PAQR8: variants seen among roughly 807,000 people sequenced by gnomAD.
PAQR8 encodes the protein membrane progestin receptor beta.
A neutral mutation model predicts 25.2 loss-of-function variants in PAQR8; 17 were observed. The ratio of observed to expected loss-of-function variants is 0.67; its 90% CI spans 0.46 to 1.01. The LOEUF is 1.01. Among genes scored for constraint, PAQR8 ranks in the 50% least tolerant of loss-of-function variants. The pLI is 0.00. For missense variants in PAQR8, 392 were observed against 448.4 expected (o/e 0.87, Z 1.14); for synonymous variants, 204 against 190.6 (o/e 1.07, Z -0.58).
intron 1 of PAQR8, among the ~76,000 whole-genome samples, chr6:52,369,101 A>G (rs973985702): frequency 1.3e-5 from 2 of 152,234 alleles, no homozygotes; most frequent in African/African-American, 4.8e-5. Flanking sequence ...ATTCAATACC[A>G]TATCAGAGCA....
At chr6:52,399,753 C>T (rs1468273248) in intron 1 of PAQR8, among the ~76,000 whole-genome samples, 2 of 152,156 alleles carry the variant, frequency 1.3e-5, no homozygotes, top group Non-Finnish European at 2.9e-5. Flanking sequence ...GGTTTGCTCT[C>T]TACTTCACAA....
chr6:52,373,286 A>G (rs1161424029), intron 1 of PAQR8, among the ~76,000 whole-genome samples: 1 of 152,238 alleles, frequency 6.6e-6, no homozygotes, highest in Non-Finnish European at 1.5e-5. Context: ...CTGATAAAGC[A>G]GTCAAACCCT....
chr6:52,365,855 G>T (rs1253739849), intron 1 of PAQR8, among the ~76,000 whole-genome samples: 3 of 152,040 alleles, frequency 2.0e-5, no homozygotes, highest in African/African-American at 7.2e-5. Flanking sequence ...TTTTAAATGA[G>T]CATTCCTGTT....
At chr6:52,368,164 A>G (rs1359891690) in intron 1 of PAQR8, among the ~76,000 whole-genome samples, 1 of 152,218 alleles carries the variant, frequency 6.6e-6, no homozygotes, top group African/African-American at 2.4e-5. Flanking sequence ...TGAGTGAGTA[A>G]TCAACTCAGT....
intron 1 of PAQR8, among the ~76,000 whole-genome samples, chr6:52,378,071 C>T (rs918111538): frequency 1.3e-5 from 2 of 152,206 alleles, no homozygotes; most frequent in African/African-American, 2.4e-5. Flanking sequence ...CAAGGGACTT[C>T]ACCTGTTTCC....
chr6:52,383,702 T>G (rs1331589867), intron 1 of PAQR8, among the ~76,000 whole-genome samples: 1 of 151,686 alleles, frequency 6.6e-6, no homozygotes, highest in African/African-American at 2.4e-5. Flanking sequence ...ACAGTACTTA[T>G]CCTTAATATA....
intron 1 of PAQR8, among the ~76,000 whole-genome samples, chr6:52,382,929 A>ATG (rs1763580144): frequency 6.6e-6 from 1 of 152,198 alleles, no homozygotes; most frequent in Non-Finnish European, 1.5e-5. Context: ...CCACAGGCAC[A>ATG]TACTACCATG....
At chr6:52,369,527 A>T (rs1373077962) in intron 1 of PAQR8, among the ~76,000 whole-genome samples, 1 of 152,250 alleles carries the variant, frequency 6.6e-6, no homozygotes, top group African/African-American at 2.4e-5. Flanking sequence ...CCAAGAGAAT[A>T]CCAAAAGGTT....
intron 1 of PAQR8, among the ~76,000 whole-genome samples, chr6:52,377,689 T>G (rs1285121682): frequency 2.6e-5 from 4 of 151,242 alleles, no homozygotes; most frequent in Non-Finnish European, 4.4e-5. Flanking sequence ...GGAAGTTTTG[T>G]TTAAGAGCAA....
intron 1 of PAQR8, among the ~76,000 whole-genome samples, chr6:52,381,530 C>T (rs1763559927): frequency 6.6e-6 from 1 of 152,196 alleles, no homozygotes. Flanking sequence ...ATAGCTTGAG[C>T]CCAGAGGTTG....
At chr6:52,398,267 C>T (rs946356033) in intron 1 of PAQR8, among the ~76,000 whole-genome samples, 1 of 144,864 alleles carries the variant, frequency 6.9e-6, no homozygotes, top group Non-Finnish European at 1.5e-5. Flanking sequence ...AGTGCAATGG[C>T]GTGATCTTGG....
intron 1 of PAQR8, among the ~76,000 whole-genome samples, chr6:52,388,783 G>A (rs1350874429): frequency 6.6e-6 from 1 of 152,238 alleles, no homozygotes; most frequent in Middle Eastern, 3.4e-3. Context: ...AAAGACAGAG[G>A]GCTTAATAAG....
intron 1 of PAQR8, among the ~76,000 whole-genome samples, chr6:52,398,822 G>A (rs1437142905): frequency 2.0e-5 from 3 of 152,168 alleles, no homozygotes; most frequent in South Asian, 4.1e-4. Flanking sequence ...CCAAAGTGCT[G>A]GGATTTACAG....
chr6:52,386,511 C>T (rs1763634656), intron 1 of PAQR8, among the ~76,000 whole-genome samples: 1 of 152,196 alleles, frequency 6.6e-6, no homozygotes, highest in African/African-American at 2.4e-5. Flanking sequence ...TAATGGAATA[C>T]TGTGGAGCTG....
In PAQR8 at chr6:52,404,008, C is replaced by T. The variant is rs751244572; in HGVS notation, c.795C>T (p.Pro265=). 4 of 1,614,086 alleles carry T rather than the reference C, an allele frequency of 2.5e-6. No homozygotes were observed. The highest frequency in any genetic ancestry group is 2.7e-5 in the African/African-American group (2 of 74,928). Residue 265 remains proline, a synonymous_variant, in exon 2 of 2, where the codon CCC becomes CCT. Coordinates refer to ENST00000442253, the MANE Select transcript of PAQR8 (RefSeq NM_133367.5). ...FLVSAYFFSC[P]VPEKYFPGSC... ...TTAGCGCTTATTTCTTCTCCTGCCC[C>T]GTGCCTGAGAAGTACTTCCCGGGTT... is the stretch of plus-strand genomic sequence containing the variant.
rs750839768 is a variant in PAQR8, at chr6:52,403,678, A to G, written c.465A>G (p.Gln155=). The change falls in exon 2 of 2, where the codon CAA becomes CAG. Residue 155 remains glutamine (Q), a synonymous_variant. Coordinates refer to ENST00000442253, the MANE Select transcript of PAQR8 (RefSeq NM_133367.5). ...FVDYVGVSVY[Q]YGSALAHFFY... ...ACTATGTTGGCGTGAGCGTTTACCA[A>G]TATGGCAGTGCTTTGGCTCATTTCT... The G allele has an allele frequency of 1.5e-5, 25 of 1,614,066 alleles. No individual in the cohort carries two copies. The African/African-American group carries it at 2.9e-4, about 19-fold the overall frequency.
At chr6:52,370,676 G>A (rs906834516) in intron 1 of PAQR8, among the ~76,000 whole-genome samples, 1 of 152,122 alleles carries the variant, frequency 6.6e-6, no homozygotes, top group African/African-American at 2.4e-5. Context: ...CCAAAGAGGG[G>A]GACATTTATG....
rs1400720338 is a variant in PAQR8, at chr6:52,396,570, C to T, written c.-52-6592C>T. ...CAGATTTCCATTTTTAAACTGTTGC[C>T]CTGAAGTGATTTGGAGAATGAAGTG... On this transcript the variant is annotated intron_variant, in intron 1 of 1. Coordinates refer to ENST00000442253, the MANE Select transcript of PAQR8 (RefSeq NM_133367.5). 3.3e-5 allele frequency among the ~76,000 whole-genome samples: 5 copies of T among 152,058 alleles called. No homozygotes were observed. The East Asian group carries it at 9.7e-4, about 29-fold the overall frequency.
chr6:52,405,918 TATCA>T lies in PAQR8; in HGVS notation c.*1646_*1649del, dbSNP rs1321600167. 1 of 166,918 alleles carries T rather than the reference TATCA, an allele frequency of 6.0e-6. No homozygotes were observed. Among genetic ancestry groups the T allele is most frequent in the Admixed American group, 6.5e-5 (1 of 15,294 alleles). 10.3% of individuals were successfully genotyped at this position (166,918 alleles called of 1,614,324 possible). On this transcript the variant is annotated 3_prime_UTR_variant, in exon 2 of 2. Coordinates refer to ENST00000442253, the MANE Select transcript of PAQR8 (RefSeq NM_133367.5). Reference sequence around the variant, plus strand: ...GAAACTTCAGAAAGCTAGAATTGCTTATCAATCAAAAGACTTTCTCAATCTATTT... The same window carrying T: ...GAAACTTCAGAAAGCTAGAATTGCTTATCAAAAGACTTTCTCAATCTATTT...
Sources: gnomAD v4.1 joint callset for allele counts (sites outside exome capture counted in the v4.1 genomes callset) on GRCh38, gnomAD v4.1.1 for gene constraint, MANE v1.5 for transcripts, NCBI Gene and HGNC (gene_info 2026-07-23, HGNC 2026-07-21) for gene names.